ATF6: variants seen among roughly 807,000 people sequenced by gnomAD.
ATF6 encodes activating transcription factor 6, also known as cyclic AMP-dependent transcription factor ATF-6 alpha.
Under a neutral mutation model 83.6 loss-of-function variants are expected in ATF6, and 53 were observed. That is an observed-to-expected ratio of 0.63 (90% CI 0.51 to 0.80). The LOEUF (loss-of-function observed/expected upper bound fraction) is 0.80, where lower values mean the gene tolerates loss of function less well. Ranked by LOEUF, ATF6 falls within the 30% of genes least tolerant of loss-of-function variation. The pLI is 0.00. For synonymous variants in ATF6, 288 were observed against 285.8 expected (o/e 1.01, Z -0.08); for missense variants, 744 against 797.9 (o/e 0.93, Z 0.81).
intron 1 of ATF6, among the ~76,000 whole-genome samples, chr1:161,768,723 T>A (rs1684323412): frequency 6.6e-6 from 1 of 152,100 alleles, no homozygotes. Flanking sequence ...ACCGCTACCA[T>A]GCCTGGTTAA....
intron 15 of ATF6, among the ~76,000 whole-genome samples, chr1:161,916,169 C>T (rs143269013): frequency 3.3e-4 from 51 of 152,302 alleles, no homozygotes; most frequent in African/African-American, 1.2e-3. Flanking sequence ...ACAAATATCT[C>T]GCCAAGTCAA....
intron 15 of ATF6, among the ~76,000 whole-genome samples, chr1:161,913,123 G>A (rs2101889310): frequency 1.3e-5 from 2 of 152,240 alleles, no homozygotes; most frequent in South Asian, 4.1e-4. Flanking sequence ...GTATGTTATT[G>A]ACTAATTGCT....
intron 2 of ATF6, among the ~76,000 whole-genome samples, chr1:161,780,296 G>T (rs1488011039): frequency 2.6e-5 from 4 of 151,886 alleles, no homozygotes; most frequent in African/African-American, 9.7e-5. Context: ...TATTCTTCTA[G>T]AAATTGTTAA....
At chr1:161,844,018 T>C (rs1686418988) in intron 9 of ATF6, among the ~76,000 whole-genome samples, 1 of 152,168 alleles carries the variant, frequency 6.6e-6, no homozygotes, top group Non-Finnish European at 1.5e-5. Context: ...AAAATCGATT[T>C]GTGTGAAAGG....
At chr1:161,903,565 C>A (rs1450811638) in intron 14 of ATF6, among the ~76,000 whole-genome samples, 1 of 152,076 alleles carries the variant, frequency 6.6e-6, no homozygotes, top group African/African-American at 2.4e-5. Context: ...GTTGCGTTTC[C>A]TCAGGGACTT....
intron 15 of ATF6, among the ~76,000 whole-genome samples, chr1:161,917,711 C>T (rs188223474): frequency 2.5e-4 from 38 of 152,308 alleles, no homozygotes; most frequent in East Asian, 1.9e-4. Flanking sequence ...TGAGCCACCG[C>T]GCCCGGCCTT....
intron 6 of ATF6, among the ~76,000 whole-genome samples, chr1:161,793,013 G>A (rs1431423440): frequency 6.6e-6 from 1 of 152,098 alleles, no homozygotes; most frequent in African/African-American, 2.4e-5. Context: ...TATACACTGG[G>A]TACAAGAAAA....
chr1:161,820,563 C>T (rs1029260430), intron 8 of ATF6, among the ~76,000 whole-genome samples: 5 of 152,060 alleles, frequency 3.3e-5, no homozygotes, highest in Non-Finnish European at 5.9e-5. Context: ...CCATCCTGGC[C>T]AACATAGTGA....
chr1:161,917,130 T>C (rs1688116774), intron 15 of ATF6, among the ~76,000 whole-genome samples: 1 of 152,198 alleles, frequency 6.6e-6, no homozygotes, highest in Non-Finnish European at 1.5e-5. Context: ...TGAGGCACTT[T>C]CATTTACATT....
intron 1 of ATF6, 137 bp downstream of exon 1, chr1:161,766,579 C>G: frequency 1.5e-6 from 1 of 680,330 alleles, no homozygotes; most frequent in Non-Finnish European, 2.5e-6. Flanking sequence ...CACTCCTGTT[C>G]GTGCCCCTGG....
chr1:161,775,722 C>A (rs909301502), intron 1 of ATF6, among the ~76,000 whole-genome samples: 2 of 152,068 alleles, frequency 1.3e-5, no homozygotes, highest in African/African-American at 4.8e-5. Context: ...ACTTTCCCTG[C>A]TGCAAGCCCT....
intron 9 of ATF6, among the ~76,000 whole-genome samples, chr1:161,829,124 T>C: frequency 6.6e-6 from 1 of 151,274 alleles, no homozygotes; most frequent in East Asian, 1.9e-4. Context: ...AGCACCCAGA[T>C]TCATAAAGCA....
At chr1:161,781,870 T>G (rs1040652145) in intron 2 of ATF6, 42 bp from the exon 3 acceptor site, 3 of 1,351,606 alleles carry the variant, frequency 2.2e-6, no homozygotes, top group African/African-American at 2.9e-5. Context: ...GATGTGTATG[T>G]TTTATTCTTT....
At chr1:161,800,858 T>C (rs1437012134) in intron 6 of ATF6, among the ~76,000 whole-genome samples, 3 of 152,240 alleles carry the variant, frequency 2.0e-5, no homozygotes, top group Admixed American at 6.5e-5. Context: ...GTTTTTGTTT[T>C]AGAAGTCTCT....
intron 4 of ATF6, among the ~76,000 whole-genome samples, chr1:161,786,788 T>C (rs1338508984): frequency 1.3e-5 from 2 of 152,200 alleles, no homozygotes; most frequent in African/African-American, 4.8e-5. Flanking sequence ...CATTAATATG[T>C]TACTATAATC....
intron 9 of ATF6, among the ~76,000 whole-genome samples, chr1:161,825,484 A>T (rs1008741958): frequency 6.6e-6 from 1 of 152,180 alleles, no homozygotes; most frequent in African/African-American, 2.4e-5. Context: ...AGTGGCTATA[A>T]GTTGAGGGTT....
At chr1:161,907,446 A>T (rs1486463245) in intron 14 of ATF6, among the ~76,000 whole-genome samples, 1 of 152,176 alleles carries the variant, frequency 6.6e-6, no homozygotes, top group Non-Finnish European at 1.5e-5. Flanking sequence ...AAATGTTAAG[A>T]GGCTGGTGTT....
intron 14 of ATF6, among the ~76,000 whole-genome samples, chr1:161,869,908 C>A (rs192297152): frequency 5.0e-4 from 76 of 151,762 alleles, no homozygotes; most frequent in Admixed American, 2.2e-3. Flanking sequence ...TATTCTTAGT[C>A]CTATTTTATG....
rs566747423 is a variant in ATF6 at position 161,824,714 on chromosome 1, C to T, written c.1187+3553C>T. On this transcript the variant is annotated intron_variant, in intron 9 of 15. Transcript: ENST00000367942. ...TGTTCATAAACTATTTCTCAAAAAA[C>T]TGTGTGTTCTTTTAGTTCCTCATTT... is the stretch of plus-strand genomic sequence containing the variant. Among the ~76,000 whole-genome samples the T allele has an allele frequency of 2.6e-5, 4 of 152,298 alleles. No individual in the cohort carries two copies. In the South Asian group the frequency reaches 8.3e-4, roughly 32 times the overall value.
Sources: allele counts gnomAD v4.1 joint callset (sites outside exome capture counted in the v4.1 genomes callset), GRCh38; gene constraint gnomAD v4.1.1; transcripts MANE v1.5; gene names NCBI Gene and HGNC (gene_info 2026-07-23, HGNC 2026-07-21).